SHLD2: variants seen among roughly 807,000 people sequenced by gnomAD.
SHLD2 encodes the protein RINN1-REV7-interacting novel NHEJ regulator 2.
SHLD2 carries 30 observed loss-of-function variants against 73.2 expected under a neutral mutation model. The observed-to-expected ratio is 0.41, with a 90% confidence interval of 0.31 to 0.56. The LOEUF is 0.56. SHLD2 is among the 20% of genes least tolerant of loss of function. The probability of loss-of-function intolerance (pLI) is 0.28; values close to 1 mark genes in which losing one functional copy is unlikely to be tolerated. For missense variants in SHLD2, 745 were observed against 1,055.9 expected (o/e 0.71, Z 4.08); for synonymous variants, 285 against 370.1 (o/e 0.77, Z 2.64).
At chr10:87,143,482 T>C (rs1845354548) in intron 2 of SHLD2, among the ~76,000 whole-genome samples, 1 of 152,194 alleles carries the variant, frequency 6.6e-6, no homozygotes, top group South Asian at 2.1e-4. Flanking sequence ...GGGTTCTCTG[T>C]CTTACCTCAT....
intron 4 of SHLD2, among the ~76,000 whole-genome samples, chr10:87,162,525 C>T (rs1463834850): frequency 1.3e-5 from 2 of 152,084 alleles, no homozygotes. Context: ...GAGACCCTGT[C>T]TCTACAAAAA....
At chr10:87,143,612 A>G (rs932449338) in intron 2 of SHLD2, among the ~76,000 whole-genome samples, 5 of 152,272 alleles carry the variant, frequency 3.3e-5, no homozygotes, top group African/African-American at 7.2e-5. Flanking sequence ...AAACTGAGCA[A>G]TGTTTCCCTT....
chr10:87,178,002 G>A (rs1181979885), intron 7 of SHLD2, among the ~76,000 whole-genome samples: 1 of 151,920 alleles, frequency 6.6e-6, no homozygotes, highest in Non-Finnish European at 1.5e-5. Context: ...TTGGGAGGCC[G>A]AGGTGGGTGG....
At chr10:87,145,508 A>T (rs1462026026) in intron 2 of SHLD2, among the ~76,000 whole-genome samples, 4 of 151,936 alleles carry the variant, frequency 2.6e-5, no homozygotes, top group Admixed American at 2.6e-4. Context: ...ATTTGATGCT[A>T]TTGAGCAACT....
At chr10:87,095,628 T>A (rs1226790212) in intron 1 of SHLD2, among the ~76,000 whole-genome samples, 1 of 152,202 alleles carries the variant, frequency 6.6e-6, no homozygotes, top group Admixed American at 6.5e-5. Context: ...GTGGCTGGCG[T>A]GAGCTGGAAG....
chr10:87,156,617 A>G (rs993906801), intron 3 of SHLD2, among the ~76,000 whole-genome samples: 4 of 152,188 alleles, frequency 2.6e-5, no homozygotes, highest in African/African-American at 9.7e-5. Context: ...AGGAGCCAGG[A>G]GGCCAGGGCG....
chr10:87,185,601 C>T (rs1229411545), intron 8 of SHLD2, among the ~76,000 whole-genome samples: 1 of 152,144 alleles, frequency 6.6e-6, no homozygotes, highest in African/African-American at 2.4e-5. Context: ...CTTTTTGTTG[C>T]ATGTGCTTTC....
At chr10:87,117,619 C>G (rs553774292) in intron 2 of SHLD2, among the ~76,000 whole-genome samples, 5 of 152,222 alleles carry the variant, frequency 3.3e-5, no homozygotes, top group African/African-American at 1.2e-4. Context: ...CATGGCAAAA[C>G]CTTGTTTCTA....
At position 87,180,205 on chromosome 10, in the gene SHLD2, T is replaced by C. The variant is rs7081609; in HGVS notation, c.2301T>C (p.Gly767=). 0.85 allele frequency: 1,352,880 copies of C among 1,592,962 alleles called. 582,209 individuals carry two copies. Among genetic ancestry groups the C allele is most frequent in the African/African-American group, 0.96 (72,155 of 74,806 alleles). ...FSSLPNIVYT[G]CAKCGLELET... ...CTCTTCCCAACATCGTATATACTGGTTGTGCAAAATGTGGATTGGAACTAG... is the reference window on the plus strand; with the variant it reads ...CTCTTCCCAACATCGTATATACTGGCTGTGCAAAATGTGGATTGGAACTAG... The change falls in exon 8 of 10, where the codon GGT becomes GGC. Residue 767 remains glycine, a synonymous_variant. Transcript: ENST00000298786.
chr10:87,113,471 C>T (rs1843057416), intron 2 of SHLD2, among the ~76,000 whole-genome samples: 1 of 152,116 alleles, frequency 6.6e-6, no homozygotes, highest in African/African-American at 2.4e-5. Flanking sequence ...CGAAAGATCA[C>T]ATATTGTATG....
At chr10:87,165,746 A>G (rs1488853346) in intron 4 of SHLD2, among the ~76,000 whole-genome samples, 4 of 152,228 alleles carry the variant, frequency 2.6e-5, no homozygotes, top group Non-Finnish European at 5.9e-5. Flanking sequence ...GAGAATTGAT[A>G]AAATTTAAAT....
intron 6 of SHLD2, among the ~76,000 whole-genome samples, chr10:87,172,161 C>T (rs1847635500): frequency 6.6e-6 from 1 of 152,064 alleles, no homozygotes; most frequent in Admixed American, 6.6e-5. Context: ...TTCATCCAGC[C>T]CCCCTTATTT....
chr10:87,094,756 A>C (rs1420826092), upstream of SHLD2: 3 of 1,537,200 alleles, frequency 2.0e-6, no homozygotes, highest in Non-Finnish European at 2.6e-6. This position sits in a 1 kb window ranked among gnomAD's most constrained non-coding sequence, Gnocchi z 6.6. Flanking sequence ...CGCTTCGCCC[A>C]GGTAGCGGTA....
intron 4 of SHLD2, among the ~76,000 whole-genome samples, chr10:87,164,882 A>AG (rs1423949862): frequency 6.6e-6 from 1 of 151,984 alleles, no homozygotes; most frequent in Admixed American, 6.6e-5. Flanking sequence ...CTGAGAGAAA[A>AG]GAAAAAAAAA....
intron 2 of SHLD2, among the ~76,000 whole-genome samples, chr10:87,144,644 T>TTTTTTA (rs58888006): frequency 8.8e-6 from 1 of 114,268 alleles, no homozygotes; most frequent in Non-Finnish European, 1.8e-5. Flanking sequence ...TTTTTTTTTT[T>TTTTTTA]GAGATGGTGT....
chr10:87,125,541 C>G lies in SHLD2; in HGVS notation c.-5-25809C>G, dbSNP rs542876053. The stretch of plus-strand genomic sequence containing the variant: ...CCTGAGGTCAGGAGTTGGAGACCAG[C>G]CTGGCCAACAGGGTGAAACCCCGTC... On this transcript the variant is annotated intron_variant, in intron 2 of 9. Transcript: ENST00000298786. Among the ~76,000 whole-genome samples the G allele has an allele frequency of 2.6e-5, 4 of 152,292 alleles. No homozygotes were observed. In the South Asian group the frequency reaches 8.3e-4, roughly 32 times the overall value.
At chr10:87,176,391 C>T (rs934919566) in intron 7 of SHLD2, among the ~76,000 whole-genome samples, 14 of 152,126 alleles carry the variant, frequency 9.2e-5, no homozygotes, top group African/African-American at 3.4e-4. Flanking sequence ...CTCAAGTGAT[C>T]CTCTTGCCTT....
At chr10:87,174,103 A>G (rs914467018) in intron 6 of SHLD2, among the ~76,000 whole-genome samples, 1 of 152,088 alleles carries the variant, frequency 6.6e-6, no homozygotes, top group African/African-American at 2.4e-5. Context: ...TATCATAACT[A>G]TGTATAAAGA....
At position 87,170,466 on chromosome 10, in the gene SHLD2, T is replaced by C; in HGVS notation, c.1634-12T>C. On this transcript the variant is annotated splice_polypyrimidine_tract_variant and intron_variant, in intron 4 of 9. Coordinates refer to ENST00000298786, the MANE Select transcript of SHLD2 (RefSeq NM_001330112.2). ...CCATCTTTTGTCTGTCTGTATGTTT[T>C]TTTTCCCTTAGATTCCAGTGTAGTT... The C allele has an allele frequency of 6.5e-7, 1 of 1,544,492 alleles. No individual in the cohort carries two copies. Among genetic ancestry groups the C allele is most frequent in the Non-Finnish European group, 8.7e-7 (1 of 1,148,400 alleles).
Sources: gnomAD v4.1 joint callset for allele counts (sites outside exome capture counted in the v4.1 genomes callset) on GRCh38, gnomAD v4.1.1 for gene constraint, Gnocchi (gnomAD v3.1) non-coding constraint, MANE v1.5 for transcripts, NCBI Gene and HGNC (gene_info 2026-07-23, HGNC 2026-07-21) for gene names.